GABRB1: variants seen among roughly 807,000 people sequenced by gnomAD.
GABRB1 encodes the protein gamma-aminobutyric acid receptor subunit beta-1.
A neutral mutation model predicts 51.6 loss-of-function variants in GABRB1; 17 were observed. The observed-to-expected ratio is 0.33, with a 90% CI of 0.23 to 0.49. The LOEUF (loss-of-function observed/expected upper bound fraction) is 0.49, where lower values mean the gene tolerates loss of function less well. GABRB1 is among the 20% of genes least tolerant of loss of function. GABRB1 has a pLI of 0.99. For synonymous variants in GABRB1, 247 were observed against 218.9 expected (o/e 1.13, Z -1.14); for missense variants, 410 against 600.6 (o/e 0.68, Z 3.32).
intron 5 of GABRB1, among the ~76,000 whole-genome samples, chr4:47,383,590 T>A (rs1010213102): frequency 1.2e-4 from 18 of 152,326 alleles, no homozygotes; most frequent in Admixed American, 1.0e-3. Flanking sequence ...TCTTATTGCT[T>A]CCAGTTGTAA....
intron 8 of GABRB1, among the ~76,000 whole-genome samples, chr4:47,418,610 C>A (rs985184814): frequency 6.6e-6 from 1 of 152,210 alleles, no homozygotes; most frequent in African/African-American, 2.4e-5. Flanking sequence ...ACAAAATTAA[C>A]CACTATACCC....
chr4:47,041,136 C>T (rs1725819656), intron 3 of GABRB1, among the ~76,000 whole-genome samples: 1 of 151,926 alleles, frequency 6.6e-6, no homozygotes, highest in African/African-American at 2.4e-5. Context: ...TGAAATGAGA[C>T]CGGATATAAC....
chr4:47,031,713 T>C lies in GABRB1; in HGVS notation c.62T>C (p.Met21Thr). The change falls in exon 1 of 9, where the codon ATG becomes ACG. Residue 21 changes from methionine (M) to threonine (T), a missense_variant. By Grantham distance (81) the Met-to-Thr change is moderately conservative (BLOSUM62 -1). This residue lies in a region of GABRB1 where 56 missense variants were observed against 54.8 expected (regional missense o/e 1.02). Transcript: ENST00000295454. ...CTCTCTTTCCCTGTGATGATTACCA[T>C]GGTCTGTTGTGCACACAGGTGAGCT... ...GLLSFPVMIT[M>T]VCCAHSTNEP... 6.2e-7 allele frequency: 1 copy of C among 1,613,726 alleles called. No individual in the cohort carries two copies. Among genetic ancestry groups the C allele is most frequent in the Non-Finnish European group, 8.5e-7 (1 of 1,179,604 alleles).
chr4:47,227,286 A>G (rs1381237165), intron 4 of GABRB1, among the ~76,000 whole-genome samples: 2 of 152,182 alleles, frequency 1.3e-5, no homozygotes, highest in Admixed American at 1.3e-4. Flanking sequence ...TCATATGTGT[A>G]AAATCCTAAG....
At chr4:47,404,844 G>A (rs965695791) in intron 7 of GABRB1, among the ~76,000 whole-genome samples, 2 of 152,202 alleles carry the variant, frequency 1.3e-5, no homozygotes, top group Non-Finnish European at 2.9e-5. Flanking sequence ...GTCCACAGCA[G>A]AGAATAATAA....
At chr4:47,009,251 T>G (rs1276767647) in intron 1 of GABRB1, among the ~76,000 whole-genome samples, 6 of 150,588 alleles carry the variant, frequency 4.0e-5, no homozygotes, top group Non-Finnish European at 8.9e-5. Context: ...AATTAAATTT[T>G]ATATAAATTA....
upstream of GABRB1, among the ~76,000 whole-genome samples, chr4:47,029,613 T>C (rs564377276): frequency 2.0e-5 from 3 of 152,180 alleles, no homozygotes; most frequent in South Asian, 2.1e-4. Context: ...CATCTTTAGA[T>C]CTTTCCTTTT....
At chr4:47,040,512 T>G (rs62303745) in intron 3 of GABRB1, among the ~76,000 whole-genome samples, 32,731 of 152,062 alleles carry the variant, frequency 0.22, 4,525 homozygotes, top group Middle Eastern at 0.37. Flanking sequence ...GTGATTGACA[T>G]CGGGGCTGCA....
chr4:47,167,649 G>A (rs996781981), intron 4 of GABRB1, among the ~76,000 whole-genome samples: 3 of 152,108 alleles, frequency 2.0e-5, no homozygotes, highest in Admixed American at 6.6e-5. Context: ...GTGACAGTTT[G>A]GAGAGCAGAG....
rs149776057 is a variant in GABRB1 at position 47,206,633 on chromosome 4, T to G, written c.461+45164T>G. 4.7e-4 allele frequency among the ~76,000 whole-genome samples: 71 copies of G among 152,034 alleles called. No homozygotes were observed. In the East Asian group the frequency reaches 0.011, roughly 23 times the overall value. On this transcript the variant is annotated intron_variant, in intron 4 of 8. Coordinates refer to ENST00000295454, the MANE Select transcript of GABRB1 (RefSeq NM_000812.4). ...CACTAAAGATCTAGATTTTATTATT[T>G]TTCTCATCTTTCTAAGTAACTCAAA...
chr4:47,170,898 A>C (rs1718410132), intron 4 of GABRB1, among the ~76,000 whole-genome samples: 1 of 152,296 alleles, frequency 6.6e-6, no homozygotes, highest in African/African-American at 2.4e-5. Flanking sequence ...ACTGGAGTAG[A>C]GAGAAAGCTA....
intron 5 of GABRB1, among the ~76,000 whole-genome samples, chr4:47,343,205 G>T (rs1252722487): frequency 6.6e-6 from 1 of 152,040 alleles, no homozygotes; most frequent in Non-Finnish European, 1.5e-5. Context: ...CAGGGTTAGA[G>T]AATTTAGGAA....
At chr4:47,070,067 G>A (rs1015291902) in intron 3 of GABRB1, among the ~76,000 whole-genome samples, 18 of 150,190 alleles carry the variant, frequency 1.2e-4, no homozygotes, top group East Asian at 1.9e-4. Flanking sequence ...ACCAAGTATC[G>A]CTCTGTCACC....
At chr4:47,154,465 G>A (rs1197778998) in intron 3 of GABRB1, among the ~76,000 whole-genome samples, 1 of 151,848 alleles carries the variant, frequency 6.6e-6, no homozygotes, top group Non-Finnish European at 1.5e-5. Flanking sequence ...TTTAAAAGTC[G>A]TTTAACATCT....
intron 5 of GABRB1, among the ~76,000 whole-genome samples, chr4:47,351,325 C>A (rs1203138628): frequency 1.3e-5 from 2 of 152,126 alleles, no homozygotes; most frequent in African/African-American, 2.4e-5. Context: ...TAATTCCCCC[C>A]AAAAAATATC....
At chr4:47,256,913 G>A (rs555243326) in intron 4 of GABRB1, among the ~76,000 whole-genome samples, 1 of 152,254 alleles carries the variant, frequency 6.6e-6, no homozygotes, top group East Asian at 1.9e-4. Context: ...ATTCTATAAA[G>A]TAGGTACTAT....
chr4:47,028,362 CAAT>C (rs886122986), upstream of GABRB1, among the ~76,000 whole-genome samples: 1 of 151,630 alleles, frequency 6.6e-6, no homozygotes. Context: ...TTAAAATGTA[CAAT>C]TAAGTTACTG....
At chr4:47,335,991 T>C (rs1725683223) in intron 5 of GABRB1, among the ~76,000 whole-genome samples, 5 of 151,914 alleles carry the variant, frequency 3.3e-5, no homozygotes, top group Non-Finnish European at 7.4e-5. Flanking sequence ...AGCATCTTTT[T>C]GTCATAAGTT....
At chr4:47,080,025 G>T (rs1345529169) in intron 3 of GABRB1, among the ~76,000 whole-genome samples, 1 of 151,920 alleles carries the variant, frequency 6.6e-6, no homozygotes. Flanking sequence ...AAAAAAAACT[G>T]CCAAACTGCC....
Sources: allele counts gnomAD v4.1 joint callset (sites outside exome capture counted in the v4.1 genomes callset), GRCh38; gene constraint gnomAD v4.1.1; regional missense constraint gnomAD v4.1.1; transcripts MANE v1.5; gene names NCBI Gene and HGNC (gene_info 2026-07-23, HGNC 2026-07-21).